HS2ST1: variants seen among roughly 807,000 people sequenced by gnomAD.
HS2ST1 encodes heparan sulfate 2-O-sulfotransferase 1.
Under a neutral mutation model 42.9 loss-of-function variants are expected in HS2ST1, and 18 were observed. The ratio of observed to expected loss-of-function variants is 0.42; its 90% CI spans 0.29 to 0.62. The LOEUF (loss-of-function observed/expected upper bound fraction) is 0.62, where lower values mean the gene tolerates loss of function less well. Among genes scored for constraint, HS2ST1 ranks in the 20% least tolerant of loss-of-function variants. The pLI is 0.21. For missense variants in HS2ST1, 334 were observed against 433.8 expected, an observed-to-expected ratio of 0.77 and a Z score of 2.04; for synonymous variants, 146 against 152.9, an observed-to-expected ratio of 0.95 and a Z score of 0.33.
chr1:86,921,216 T>G (rs1343034926), intron 1 of HS2ST1, among the ~76,000 whole-genome samples: 1 of 152,204 alleles, frequency 6.6e-6, no homozygotes. Context: ...ATTCTTGATT[T>G]TTTTCTGCCT....
At chr1:86,932,223 G>A (rs1294918309) in intron 1 of HS2ST1, 1 of 152,124 alleles carries the variant, frequency 6.6e-6, no homozygotes, top group African/African-American at 2.4e-5. Context: ...GATATCACAT[G>A]TTCTCACATA....
intron 2 of HS2ST1, among the ~76,000 whole-genome samples, chr1:87,077,000 A>C (rs1250291954): frequency 6.6e-6 from 1 of 152,098 alleles, no homozygotes; most frequent in Non-Finnish European, 1.5e-5. Flanking sequence ...CTTTAGATGA[A>C]TTTTCTCCAC....
chr1:87,045,244 T>C (rs1468560002), intron 1 of HS2ST1: 8 of 1,067,046 alleles, frequency 7.5e-6, no homozygotes, highest in Non-Finnish European at 1.2e-5. Context: ...TTCCTAGGTC[T>C]TCACTATGAA....
chr1:86,925,166 C>T (rs1303618831), intron 1 of HS2ST1, among the ~76,000 whole-genome samples: 1 of 152,164 alleles, frequency 6.6e-6, no homozygotes, highest in Non-Finnish European at 1.5e-5. Context: ...TAACAAGAGC[C>T]ACCTTTGCTC....
chr1:86,918,486 A>G (rs1325012395), intron 1 of HS2ST1, among the ~76,000 whole-genome samples: 1 of 151,920 alleles, frequency 6.6e-6, no homozygotes, highest in Non-Finnish European at 1.5e-5. Flanking sequence ...GCGTGTGTAT[A>G]TATACATATA....
At chr1:86,963,756 ACCTCCCGGACGGGGCAGCTGG>A (rs1647933177) in intron 1 of HS2ST1, among the ~76,000 whole-genome samples, 1 of 40,180 alleles carries the variant, frequency 2.5e-5, no homozygotes, top group Non-Finnish European at 5.6e-5. Context: ...CCCCCCCCCC[ACCTCCCGGACGGGGCAGCTGG>A]CCGGGTGGGG....
intron 1 of HS2ST1, among the ~76,000 whole-genome samples, chr1:87,025,146 A>G (rs1650051428): frequency 1.3e-5 from 2 of 149,768 alleles, no homozygotes; most frequent in African/African-American, 4.9e-5. Context: ...CTGAGTGATA[A>G]TAACTGCTGA....
At chr1:86,925,031 T>C (rs192401296) in intron 1 of HS2ST1, among the ~76,000 whole-genome samples, 1 of 152,334 alleles carries the variant, frequency 6.6e-6, no homozygotes, top group Admixed American at 6.5e-5. Flanking sequence ...ACCCAAGTCA[T>C]CTCTTGAATG....
chr1:86,980,045 A>C (rs1570460929), intron 1 of HS2ST1, among the ~76,000 whole-genome samples: 1 of 152,232 alleles, frequency 6.6e-6, no homozygotes, highest in African/African-American at 2.4e-5. Context: ...AAAAAGCTCA[A>C]TGTATTTGTT....
chr1:87,077,692 G>A (rs1375152590), intron 2 of HS2ST1, among the ~76,000 whole-genome samples: 3 of 152,122 alleles, frequency 2.0e-5, no homozygotes, highest in Non-Finnish European at 4.4e-5. Context: ...TATCCCTTAT[G>A]TTTAGAATAG....
Position 87,072,931 on chromosome 1 carries a change from C to T in HS2ST1, c.125-3C>T, listed in dbSNP as rs777179312. On this transcript the variant is annotated splice_polypyrimidine_tract_variant and splice_region_variant and intron_variant, in intron 1 of 6. Transcript: ENST00000370550. ...CTTAGTTCGTATCTGTTTTTCTTTCCAGAAAGGGCTATTGCAAGACACGAA... is the reference window on the plus strand; with the variant it reads ...CTTAGTTCGTATCTGTTTTTCTTTCTAGAAAGGGCTATTGCAAGACACGAA... 5.6e-6 allele frequency: 9 copies of T among 1,609,604 alleles called. No homozygotes were observed. In the East Asian group the frequency reaches 1.8e-4, roughly 32 times the overall value.
intron 1 of HS2ST1, among the ~76,000 whole-genome samples, chr1:86,978,227 A>G (rs528340644): frequency 1.6e-4 from 24 of 152,358 alleles, no homozygotes; most frequent in South Asian, 4.1e-4. Flanking sequence ...CAGAACATCT[A>G]TCTGTCATTA....
intron 1 of HS2ST1, among the ~76,000 whole-genome samples, chr1:87,008,930 ACCT>A (rs1649516214): frequency 6.6e-6 from 1 of 151,760 alleles, no homozygotes; most frequent in African/African-American, 2.4e-5. Flanking sequence ...TGCAGCCTCG[ACCT>A]CCTGGACTCA....
intron 1 of HS2ST1, among the ~76,000 whole-genome samples, chr1:86,937,887 G>A (rs779770823): frequency 3.7e-4 from 56 of 151,754 alleles, no homozygotes; most frequent in Non-Finnish European, 5.2e-4. Flanking sequence ...ATTTAGATGA[G>A]GTAAAATTTG....
At chr1:86,952,586 A>C (rs1199585241) in intron 1 of HS2ST1, among the ~76,000 whole-genome samples, 1 of 152,242 alleles carries the variant, frequency 6.6e-6, no homozygotes, top group East Asian at 1.9e-4. Context: ...CATGGGTTGC[A>C]GAATAAATGT....
At chr1:86,974,882 G>T (rs970164360) in intron 1 of HS2ST1, among the ~76,000 whole-genome samples, 1 of 152,092 alleles carries the variant, frequency 6.6e-6, no homozygotes, top group African/African-American at 2.4e-5. Flanking sequence ...CCAAACTCAG[G>T]ATCTTTCTGA....
chr1:86,917,963 A>G (rs1199419895), intron 1 of HS2ST1, among the ~76,000 whole-genome samples: 1 of 152,230 alleles, frequency 6.6e-6, no homozygotes, highest in African/African-American at 2.4e-5. Context: ...CATACGTGCA[A>G]AATCACAATG....
At chr1:87,070,689 A>T (rs982410546) in intron 1 of HS2ST1, among the ~76,000 whole-genome samples, 2 of 152,188 alleles carry the variant, frequency 1.3e-5, no homozygotes, top group Admixed American at 6.5e-5. Flanking sequence ...ATCGTATGTT[A>T]CCTTGATTTG....
intron 1 of HS2ST1, among the ~76,000 whole-genome samples, chr1:86,920,695 G>A (rs562992720): frequency 1.3e-5 from 2 of 152,272 alleles, no homozygotes; most frequent in South Asian, 2.1e-4. Context: ...TTTGAAGGAT[G>A]TACTTATAGA....
Sources: allele counts gnomAD v4.1 joint callset (sites outside exome capture counted in the v4.1 genomes callset), GRCh38; gene constraint gnomAD v4.1.1; transcripts MANE v1.5; gene names NCBI Gene and HGNC (gene_info 2026-07-23, HGNC 2026-07-21).